DNAH11: variants seen among roughly 807,000 people sequenced by gnomAD.
The protein encoded by DNAH11 is axonemal beta dynein heavy chain 11.
DNAH11 carries 442 observed loss-of-function variants against 526.0 expected under a neutral mutation model. The observed-to-expected ratio is 0.84, with a 90% CI of 0.78 to 0.91. The LOEUF (loss-of-function observed/expected upper bound fraction) is 0.91. Among genes scored for constraint, DNAH11 ranks in the 40% least tolerant of loss-of-function variants. DNAH11 has a pLI of 0.00. For missense variants in DNAH11, 6,989 were observed against 5,448.7 expected (o/e 1.28, Z -8.90); for synonymous variants, 2,461 against 1,935.9 (o/e 1.27, Z -7.12).
At chr7:21,830,525 G>A (rs1790507005) in intron 65 of DNAH11, among the ~76,000 whole-genome samples, 1 of 152,184 alleles carries the variant, frequency 6.6e-6, no homozygotes, top group South Asian at 2.1e-4. Flanking sequence ...GGTTGACAGA[G>A]GCTGACATTA....
chr7:21,635,407 C>T (rs1232610401), intron 25 of DNAH11, among the ~76,000 whole-genome samples: 3 of 152,150 alleles, frequency 2.0e-5, no homozygotes, highest in African/African-American at 7.2e-5. Flanking sequence ...CCGCCCACCT[C>T]GGCCTCCCAA....
intron 17 of DNAH11, 95 bp from the exon 18 acceptor site, chr7:21,601,301 A>G (rs1310270604): frequency 7.0e-7 from 1 of 1,438,784 alleles, no homozygotes; most frequent in Non-Finnish European, 9.4e-7. Context: ...TTAATCAGGT[A>G]CATAATGAAA....
chr7:21,635,638 A>G (rs958923354), intron 25 of DNAH11, among the ~76,000 whole-genome samples: 1 of 151,928 alleles, frequency 6.6e-6, no homozygotes, highest in Non-Finnish European at 1.5e-5. Flanking sequence ...TGAGGAGATA[A>G]CAGTTGCATA....
chr7:21,782,523 T>C (rs779257209), intron 57 of DNAH11, among the ~76,000 whole-genome samples: 6 of 152,228 alleles, frequency 3.9e-5, no homozygotes, highest in Non-Finnish European at 7.3e-5. Flanking sequence ...TTATTTAATG[T>C]TCAAGATTGT....
chr7:21,680,353 G>C (rs1256445117), intron 30 of DNAH11, among the ~76,000 whole-genome samples: 1 of 152,164 alleles, frequency 6.6e-6, no homozygotes, highest in Non-Finnish European at 1.5e-5. Context: ...GGATGGTATT[G>C]TTTCACAGTA....
intron 30 of DNAH11, among the ~76,000 whole-genome samples, chr7:21,665,422 A>G (rs1782386198): frequency 6.6e-6 from 1 of 152,132 alleles, no homozygotes; most frequent in African/African-American, 2.4e-5. Flanking sequence ...ATTCAGGATA[A>G]ATTTCCAGAT....
At chr7:21,837,967 CAATT>C (rs1442382788) in intron 65 of DNAH11, among the ~76,000 whole-genome samples, 1 of 152,050 alleles carries the variant, frequency 6.6e-6, no homozygotes, top group Non-Finnish European at 1.5e-5. Context: ...AATTATGTGT[CAATT>C]AAAAACAGTT....
chr7:21,805,860 C>A (rs1347051916), intron 62 of DNAH11, among the ~76,000 whole-genome samples: 1 of 152,150 alleles, frequency 6.6e-6, no homozygotes, highest in East Asian at 1.9e-4. Context: ...TTCTTTCTGA[C>A]TAGAACAGGA....
intron 54 of DNAH11, among the ~76,000 whole-genome samples, chr7:21,752,672 A>G (rs1173617428): frequency 1.3e-5 from 2 of 151,878 alleles, no homozygotes; most frequent in Non-Finnish European, 2.9e-5. Context: ...AAAGTATTTT[A>G]CTCTTCAAGA....
intron 2 of DNAH11, among the ~76,000 whole-genome samples, chr7:21,555,456 T>C (rs780793734): frequency 2.0e-5 from 3 of 152,198 alleles, no homozygotes; most frequent in Non-Finnish European, 4.4e-5. Context: ...GTCCAAGCTT[T>C]TCCCTGTGTA....
chr7:21,787,012 A>C (rs1046950154), intron 59 of DNAH11, among the ~76,000 whole-genome samples: 6 of 152,226 alleles, frequency 3.9e-5, no homozygotes, highest in African/African-American at 1.2e-4. Flanking sequence ...ATTATTTGCA[A>C]AATTATGAAA....
chr7:21,631,020 C>G (rs940765918), intron 25 of DNAH11, among the ~76,000 whole-genome samples: 3 of 152,080 alleles, frequency 2.0e-5, no homozygotes, highest in Non-Finnish European at 4.4e-5. Flanking sequence ...GGGCAATTTA[C>G]AAAAGAAAGA....
chr7:21,632,539 A>G (rs1472330462), intron 25 of DNAH11, among the ~76,000 whole-genome samples: 1 of 152,148 alleles, frequency 6.6e-6, no homozygotes, highest in African/African-American at 2.4e-5. Context: ...GGTACCCTAA[A>G]TTATCTCTGT....
chr7:21,617,963 G>T (rs746613443), intron 23 of DNAH11, among the ~76,000 whole-genome samples, 186 bp downstream of exon 23: 1 of 152,256 alleles, frequency 6.6e-6, no homozygotes, highest in East Asian at 1.9e-4. Flanking sequence ...TTAGAAAAAG[G>T]CACCCTCCTC....
intron 72 of DNAH11, 142 bp from the exon 73 acceptor site, chr7:21,868,722 A>G: frequency 9.4e-7 from 1 of 1,067,578 alleles, no homozygotes; most frequent in Non-Finnish European, 1.4e-6. Context: ...TGGATACAAC[A>G]GAAGTTTCTT....
intron 25 of DNAH11, among the ~76,000 whole-genome samples, chr7:21,629,933 G>A (rs922928283): frequency 2.0e-5 from 3 of 151,910 alleles, no homozygotes; most frequent in Non-Finnish European, 2.9e-5. Flanking sequence ...TTGTTATTAA[G>A]GACTTATTAC....
At chr7:21,578,289 C>G (rs1218258657) in intron 8 of DNAH11, among the ~76,000 whole-genome samples, 1 of 152,144 alleles carries the variant, frequency 6.6e-6, no homozygotes, top group Non-Finnish European at 1.5e-5. Flanking sequence ...AGAAATTGGC[C>G]AAAACAAAGG....
chr7:21,616,528 T>C (rs2128452740), intron 22 of DNAH11, among the ~76,000 whole-genome samples: 1 of 152,294 alleles, frequency 6.6e-6, no homozygotes, highest in East Asian at 1.9e-4. Flanking sequence ...GAAGCTACTC[T>C]AATTATGAGC....
chr7:21,882,142 G>A lies in DNAH11; in HGVS notation c.12387+1249G>A, dbSNP rs139621529. On this transcript the variant is annotated intron_variant, in intron 75 of 81. Transcript: ENST00000409508. Reference sequence around the variant, plus strand: ...TGAGGCTGCAACCGGGAATAGAATCGTATTTCAGCTGAATCCTATACACCA... The same window carrying A: ...TGAGGCTGCAACCGGGAATAGAATCATATTTCAGCTGAATCCTATACACCA... Among the ~76,000 whole-genome samples the A allele has an allele frequency of 1.7e-3, 266 of 152,264 alleles. 2 individuals carry two copies. The highest frequency in any genetic ancestry group is 3.9e-3 in the African/African-American group (160 of 41,558).
Sources: gnomAD v4.1 joint callset for allele counts (sites outside exome capture counted in the v4.1 genomes callset) on GRCh38, gnomAD v4.1.1 for gene constraint, MANE v1.5 for transcripts, NCBI Gene and HGNC (gene_info 2026-07-23, HGNC 2026-07-21) for gene names.